The following PCDH15 variants were observed in gnomAD, a reference collection of about 807,000 sequenced individuals.
PCDH15 encodes protocadherin related 15, also known as protocadherin-15.
A neutral mutation model predicts 178.5 loss-of-function variants in PCDH15; 129 were observed. That is an observed-to-expected ratio of 0.72 (90% confidence interval 0.63 to 0.84). PCDH15 has a LOEUF of 0.84. PCDH15 is among the 40% of genes least tolerant of loss of function. The probability of loss-of-function intolerance (pLI) is 0.00; values close to 1 mark genes in which losing one functional copy is unlikely to be tolerated. For synonymous variants in PCDH15, 800 were observed against 732.0 expected (o/e 1.09, Z -1.50); for missense variants, 2,230 against 2,099.9 (o/e 1.06, Z -1.21).
intron 2 of PCDH15, among the ~76,000 whole-genome samples, chr10:55,044,273 T>A (rs1199507668): frequency 2.0e-5 from 3 of 152,170 alleles, no homozygotes; most frequent in African/African-American, 7.2e-5. Context: ...CTAACCAGTT[T>A]TTAAGTTTAC....
Position 54,475,331 on chromosome 10 carries a change from C to T in PCDH15, c.157+52481G>A, listed in dbSNP as rs550912667. Among the ~76,000 whole-genome samples the T allele has an allele frequency of 1.9e-3, 295 of 151,972 alleles. 1 individual carries two copies. The highest frequency in any genetic ancestry group is 5.4e-3 in the Admixed American group (82 of 15,218). On this transcript the variant is annotated intron_variant, in intron 3 of 37. Transcript: ENST00000644397. ...AAACTTTATTTAAGAACATGACCAG[C>T]CATCTTAATTTACCTTCTAACTAAA...
chr10:55,141,950 T>C (rs1265878033), intron 2 of PCDH15, among the ~76,000 whole-genome samples: 1 of 152,120 alleles, frequency 6.6e-6, no homozygotes. Flanking sequence ...GAAGTAATTA[T>C]TCAGGAAGGC....
intron 3 of PCDH15, among the ~76,000 whole-genome samples, chr10:54,473,108 A>C (rs1395218902): frequency 1.3e-5 from 2 of 152,076 alleles, no homozygotes; most frequent in African/African-American, 4.8e-5. Flanking sequence ...TCAGTTTTAG[A>C]TAATGGCCAC....
At chr10:53,990,759 T>G (rs1292326139) in intron 21 of PCDH15, among the ~76,000 whole-genome samples, 1 of 152,020 alleles carries the variant, frequency 6.6e-6, no homozygotes, top group Non-Finnish European at 1.5e-5. Context: ...AGCCCCTCTC[T>G]GGGCTGGCTG....
intron 2 of PCDH15, among the ~76,000 whole-genome samples, chr10:55,373,207 T>C (rs936356711): frequency 3.3e-5 from 5 of 152,132 alleles, no homozygotes; most frequent in Admixed American, 6.6e-5. Context: ...TTAGGAGTTA[T>C]GGAACTTTAA....
chr10:54,099,741 G>A (rs978261826), intron 15 of PCDH15, among the ~76,000 whole-genome samples: 1 of 151,680 alleles, frequency 6.6e-6, no homozygotes, highest in Non-Finnish European at 1.5e-5. Flanking sequence ...CTAGAAATGA[G>A]AAATAATATA....
chr10:55,197,746 T>C (rs1001409646), intron 1 of PCDH15, among the ~76,000 whole-genome samples: 7 of 152,120 alleles, frequency 4.6e-5, no homozygotes, highest in African/African-American at 1.7e-4. Context: ...ATTATCTTCT[T>C]GAAATGATAT....
intron 2 of PCDH15, among the ~76,000 whole-genome samples, chr10:54,635,660 C>T (rs1373796848): frequency 1.3e-5 from 2 of 151,612 alleles, no homozygotes; most frequent in Non-Finnish European, 3.0e-5. Flanking sequence ...AAATATAAAA[C>T]ATCAGAAGCC....
intron 1 of PCDH15, among the ~76,000 whole-genome samples, chr10:55,302,220 T>C (rs976731051): frequency 5.0e-5 from 7 of 141,264 alleles, no homozygotes; most frequent in South Asian, 2.2e-4. Context: ...TTCCACTCTA[T>C]GAAAAAAGTG....
intron 1 of PCDH15, among the ~76,000 whole-genome samples, chr10:54,752,530 A>AAAAAAAAAAAAC: frequency 2.3e-5 from 1 of 43,946 alleles, no homozygotes. Flanking sequence ...ACAAACAAAC[A>AAAAAAAAAAAAC]AAAAAAAACA....
At chr10:55,102,852 A>C (rs565014908) in intron 2 of PCDH15, among the ~76,000 whole-genome samples, 1 of 152,292 alleles carries the variant, frequency 6.6e-6, no homozygotes, top group South Asian at 2.1e-4. Flanking sequence ...TATTTTAAAA[A>C]CTAGAGAAAA....
chr10:54,182,119 G>A (rs927153094), intron 13 of PCDH15, among the ~76,000 whole-genome samples: 11 of 151,980 alleles, frequency 7.2e-5, no homozygotes, highest in South Asian at 2.1e-4. Flanking sequence ...CGCCACGTCC[G>A]GCTAATTTTT....
chr10:55,288,677 G>C (rs1842934234), intron 1 of PCDH15, among the ~76,000 whole-genome samples: 1 of 151,830 alleles, frequency 6.6e-6, no homozygotes, highest in Non-Finnish European at 1.5e-5. Flanking sequence ...TGTTTTCCAG[G>C]TTCATCCATG....
chr10:54,276,053 A>G (rs369014942), intron 8 of PCDH15, among the ~76,000 whole-genome samples: 41 of 151,744 alleles, frequency 2.7e-4, no homozygotes, highest in African/African-American at 9.7e-4. Context: ...TAATTACCAA[A>G]AATGTAAGTC....
At chr10:55,444,166 G>A (rs1318100803) in intron 2 of PCDH15, among the ~76,000 whole-genome samples, 2 of 151,962 alleles carry the variant, frequency 1.3e-5, no homozygotes, top group East Asian at 3.9e-4. Flanking sequence ...GTTAGCATTA[G>A]GAGAAATACC....
intron 1 of PCDH15, among the ~76,000 whole-genome samples, chr10:55,167,680 C>G (rs530284152): frequency 6.6e-6 from 1 of 152,040 alleles, no homozygotes; most frequent in African/African-American, 2.4e-5. Context: ...GAAATAGGTA[C>G]AGAAATAGAT....
intron 10 of PCDH15, among the ~76,000 whole-genome samples, chr10:54,207,484 C>T (rs1336762211): frequency 6.6e-6 from 1 of 151,888 alleles, no homozygotes; most frequent in Non-Finnish European, 1.5e-5. Flanking sequence ...TTAAACTTAA[C>T]TCATTAAAAC....
chr10:55,412,353 C>T (rs1382167338), intron 2 of PCDH15, among the ~76,000 whole-genome samples: 1 of 151,878 alleles, frequency 6.6e-6, no homozygotes, highest in Non-Finnish European at 1.5e-5. Flanking sequence ...TTGACATCTC[C>T]CATGTTTTTG....
chr10:53,870,120 T>C (rs1454325883), intron 26 of PCDH15, among the ~76,000 whole-genome samples: 2 of 152,184 alleles, frequency 1.3e-5, no homozygotes. Context: ...TAACTTCCAA[T>C]TTCAGTAAGC....
Sources: gnomAD v4.1 joint callset for allele counts (sites outside exome capture counted in the v4.1 genomes callset) on GRCh38, gnomAD v4.1.1 for gene constraint, MANE v1.5 for transcripts, NCBI Gene and HGNC (gene_info 2026-07-23, HGNC 2026-07-21) for gene names.